The following DNAJB4 variants were observed in gnomAD, a reference collection of about 807,000 sequenced individuals.
The protein encoded by DNAJB4 is DnaJ heat shock protein family (Hsp40) member B4.
In DNAJB4, 10 loss-of-function variants were observed where a neutral mutation model predicts 26.6. The observed-to-expected ratio is 0.38, with a 90% confidence interval of 0.23 to 0.64. The LOEUF (loss-of-function observed/expected upper bound fraction) is 0.64, where lower values mean the gene tolerates loss of function less well. DNAJB4 is among the 30% of genes least tolerant of loss of function. DNAJB4 has a pLI of 0.58. For synonymous variants in DNAJB4, 136 were observed against 134.8 expected (o/e 1.01, Z -0.06); for missense variants, 328 against 408.2 (o/e 0.80, Z 1.69).
upstream of DNAJB4, among the ~76,000 whole-genome samples, chr1:77,980,033 C>T (rs1349556848): frequency 6.6e-6 from 1 of 152,062 alleles, no homozygotes; most frequent in Non-Finnish European, 1.5e-5. Flanking sequence ...CAGGCGCCTG[C>T]CACCACGTCT....
intron 1 of DNAJB4, among the ~76,000 whole-genome samples, chr1:77,990,533 A>G (rs773558381): frequency 2.6e-5 from 4 of 152,248 alleles, no homozygotes; most frequent in Non-Finnish European, 5.9e-5. Flanking sequence ...AGAGAAATAG[A>G]TAACTAGGAA....
chr1:77,985,014 T>C (rs1230707798), intron 1 of DNAJB4, among the ~76,000 whole-genome samples: 1 of 152,194 alleles, frequency 6.6e-6, no homozygotes. Flanking sequence ...CTGTCTTCTA[T>C]ATGAAGCATC....
chr1:77,981,996 C>T (rs1659661022), intron 1 of DNAJB4, among the ~76,000 whole-genome samples: 1 of 152,178 alleles, frequency 6.6e-6, no homozygotes, highest in Admixed American at 6.5e-5. Context: ...TAAGACAACA[C>T]TCCCAGCTTT....
upstream of DNAJB4, among the ~76,000 whole-genome samples, chr1:78,003,158 A>G (rs1172802469): frequency 6.6e-6 from 1 of 152,088 alleles, no homozygotes; most frequent in Non-Finnish European, 1.5e-5. Context: ...GGTGATTTTT[A>G]TTCTGTTTTT....
intron 1 of DNAJB4, among the ~76,000 whole-genome samples, chr1:77,990,739 C>T (rs1208731376): frequency 6.6e-6 from 1 of 152,204 alleles, no homozygotes; most frequent in Non-Finnish European, 1.5e-5. Flanking sequence ...GAAATCCTTC[C>T]TCTTCTCTAC....
intron 1 of DNAJB4, among the ~76,000 whole-genome samples, chr1:78,012,159 C>CTTTTTTTTTTTTTTT (rs1270987929): frequency 1.1e-5 from 1 of 88,792 alleles, no homozygotes; most frequent in African/African-American, 4.9e-5. Context: ...CTTTTCTTTT[C>CTTTTTTTTTTTTTTT]TTTTTTTTTT....
At chr1:77,987,112 T>C (rs1207642077) in intron 1 of DNAJB4, among the ~76,000 whole-genome samples, 1 of 152,214 alleles carries the variant, frequency 6.6e-6, no homozygotes, top group Non-Finnish European at 1.5e-5. Flanking sequence ...AGGATTCATC[T>C]CAGGGGTGAG....
At chr1:77,981,003 A>G (rs1315233767) in intron 1 of DNAJB4, among the ~76,000 whole-genome samples, 4 of 152,144 alleles carry the variant, frequency 2.6e-5, no homozygotes, top group Non-Finnish European at 5.9e-5. Flanking sequence ...TATTTTGAAA[A>G]TGTCTTGATT....
At chr1:77,983,759 G>T (rs11162402) in intron 1 of DNAJB4, among the ~76,000 whole-genome samples, 2 of 152,058 alleles carry the variant, frequency 1.3e-5, no homozygotes, top group East Asian at 1.9e-4. Flanking sequence ...TCTTAGTACA[G>T]AACAAAATGG....
rs1571431913 is a variant in DNAJB4 at position 77,996,065 on chromosome 1, A to G, written c.-31-9015A>G. Among the ~76,000 whole-genome samples, 3 of 152,322 alleles carry G rather than the reference A, an allele frequency of 2.0e-5. No homozygotes were observed. The East Asian group carries it at 5.8e-4, about 29-fold the overall frequency. ...AGCTTTCAAGGACTTATTGTAAAAGAGGGTAACAAAGAAGGGCTAGTTGTT... is the reference window on the plus strand; with the variant it reads ...AGCTTTCAAGGACTTATTGTAAAAGGGGGTAACAAAGAAGGGCTAGTTGTT... On this transcript the variant is annotated intron_variant, in intron 1 of 2. Coordinates refer to the DNAJB4 transcript ENST00000426517.
At chr1:77,983,234 C>T (rs1005358124) in intron 1 of DNAJB4, among the ~76,000 whole-genome samples, 1 of 152,220 alleles carries the variant, frequency 6.6e-6, no homozygotes, top group African/African-American at 2.4e-5. Context: ...GTATTGCTGC[C>T]CGCAGGTCCC....
At chr1:78,014,253 G>GC (rs940527879) in intron 2 of DNAJB4, among the ~76,000 whole-genome samples, 63 of 151,414 alleles carry the variant, frequency 4.2e-4, no homozygotes, top group Middle Eastern at 3.4e-3. Flanking sequence ...GATTACAGGC[G>GC]CCCCCCACCA....
intron 1 of DNAJB4, among the ~76,000 whole-genome samples, chr1:78,010,985 A>C (rs1048486863): frequency 7.2e-5 from 11 of 152,052 alleles, no homozygotes; most frequent in Admixed American, 1.3e-4. Context: ...CCTTCAAATC[A>C]CTCACTGTTT....
At chr1:77,989,797 GTCAAGT>G (rs1460158199) in intron 1 of DNAJB4, among the ~76,000 whole-genome samples, 1 of 152,196 alleles carries the variant, frequency 6.6e-6, no homozygotes, top group Non-Finnish European at 1.5e-5. Context: ...ATGCAACACT[GTCAAGT>G]TAGGCTCTTA....
chr1:77,992,045 T>G (rs1659942165), intron 1 of DNAJB4, among the ~76,000 whole-genome samples: 1 of 152,184 alleles, frequency 6.6e-6, no homozygotes, highest in African/African-American at 2.4e-5. Flanking sequence ...ATTCTCTAAT[T>G]TAGCATTTGG....
At chr1:78,013,900 C>T (rs759972191) in intron 2 of DNAJB4, among the ~76,000 whole-genome samples, 6 of 151,970 alleles carry the variant, frequency 3.9e-5, no homozygotes, top group African/African-American at 4.8e-5. Context: ...TTGGTAATCT[C>T]AACACATTAG....
At chr1:77,980,777 G>C (rs766737512) in intron 1 of DNAJB4, among the ~76,000 whole-genome samples, 1 of 152,160 alleles carries the variant, frequency 6.6e-6, no homozygotes, top group South Asian at 2.1e-4. Context: ...GTAGATACAG[G>C]TGAGCCATCA....
At chr1:77,988,000 A>G (rs1033660611) in intron 1 of DNAJB4, among the ~76,000 whole-genome samples, 5 of 148,228 alleles carry the variant, frequency 3.4e-5, no homozygotes, top group South Asian at 2.2e-4. Flanking sequence ...ATATATATGC[A>G]TACATTATAT....
Position 78,013,046 on chromosome 1 carries a change from A to G in DNAJB4, c.212-5A>G, listed in dbSNP as rs775275120. The G allele has an allele frequency of 8.9e-6, 14 of 1,578,382 alleles. No homozygotes were observed. Among genetic ancestry groups the G allele is most frequent in the Non-Finnish European group, 1.1e-5 (13 of 1,164,850 alleles). ...TTTTCTAATCATGCTTATCTCTTCA[A>G]TTAGGGTTGAAAGGAGGAGCAGGAG... On this transcript the variant is annotated splice_region_variant and splice_polypyrimidine_tract_variant and intron_variant, in intron 1 of 2. Transcript: ENST00000370763.
Sources: allele counts gnomAD v4.1 joint callset (sites outside exome capture counted in the v4.1 genomes callset), GRCh38; gene constraint gnomAD v4.1.1; transcripts MANE v1.5; gene names NCBI Gene and HGNC (gene_info 2026-07-23, HGNC 2026-07-21).